Variants in PRRC2A observed in about 807,000 individuals in gnomAD.
The protein encoded by PRRC2A is protein PRRC2A.
In PRRC2A, 59 loss-of-function variants were observed where a neutral mutation model predicts 224.6. That is an observed-to-expected ratio of 0.26 (90% confidence interval 0.21 to 0.33). The LOEUF (loss-of-function observed/expected upper bound fraction) is 0.33. PRRC2A is among the 10% of genes least tolerant of loss of function. The pLI, the probability that PRRC2A is intolerant of heterozygous loss-of-function variation, is 1.00. For synonymous variants in PRRC2A, 1,194 were observed against 1,109.5 expected (o/e 1.08, Z -1.51); for missense variants, 3,095 against 2,880.7 (o/e 1.07, Z -1.70).
At chr6:31,634,392 T>A (rs372189408) in intron 19 of PRRC2A, 27 bp downstream of exon 19, 1 of 1,612,374 alleles carries the variant, frequency 6.2e-7, no homozygotes, top group Non-Finnish European at 8.5e-7. Context: ...GAAAGGACTA[T>A]GGTAGAAGGG....
At chr6:31,635,065 T>G in intron 21 of PRRC2A, 67 bp from the exon 22 acceptor site, 1 of 1,601,628 alleles carries the variant, frequency 6.2e-7, no homozygotes, top group South Asian at 1.1e-5. Flanking sequence ...TGCGTGTGTG[T>G]TCTGGGCATT....
Position 31,625,644 on chromosome 6 carries a change from C to T in PRRC2A, c.759+33C>T, listed in dbSNP as rs779190418. On this transcript the variant is annotated intron_variant, in intron 7 of 30. Transcript: ENST00000376033. This position sits in a 1 kb window ranked among gnomAD's most constrained non-coding sequence, Gnocchi z 4.1. ...TTGGTGTCTTGTCTTGGAACGATTA[C>T]ACTGGAAGCTGGAGAGCTAGGAATC... 30 of 1,603,916 alleles carry T rather than the reference C, an allele frequency of 1.9e-5. No homozygotes were observed. Among genetic ancestry groups the T allele is most frequent in the Admixed American group, 6.8e-5 (4 of 59,128 alleles).
At position 31,636,640 on chromosome 6, in the gene PRRC2A, T is replaced by TA; in HGVS notation, c.5934+32_5934+33insA. ...TGTATCTTCACACTTCCCCTTCATT[T>TA]GATTTCTCTGTCCAGTTGCTGGCTT... On this transcript the variant is annotated intron_variant, in intron 27 of 30. Coordinates refer to ENST00000376033, the MANE Select transcript of PRRC2A (RefSeq NM_004638.4). This position sits in a 1 kb window ranked among gnomAD's most constrained non-coding sequence, Gnocchi z 4.3. The TA allele has an allele frequency of 6.3e-7, 1 of 1,588,754 alleles. No individual in the cohort carries two copies. Among genetic ancestry groups the TA allele is most frequent in the South Asian group, 1.1e-5 (1 of 88,554 alleles).
chr6:31,621,292 TC>T (rs201554983), intron 1 of PRRC2A, among the ~76,000 whole-genome samples: 4 of 151,126 alleles, frequency 2.6e-5, no homozygotes, highest in Non-Finnish European at 4.4e-5. Context: ...AGCGCTGTGT[TC>T]CCCCCTCTGG....
rs1450053281 is a variant in PRRC2A, at chr6:31,625,093, C to T, written c.464-78C>T. 4.1e-5 allele frequency: 63 copies of T among 1,525,060 alleles called. No individual in the cohort carries two copies. Among genetic ancestry groups the T allele is most frequent in the Non-Finnish European group, 5.4e-5 (60 of 1,120,654 alleles). The allele number at this position is 1,525,060 out of a possible 1,614,324, so 94.5% of individuals were successfully genotyped here. On this transcript the variant is annotated intron_variant, in intron 5 of 30. Coordinates refer to ENST00000376033, the MANE Select transcript of PRRC2A (RefSeq NM_004638.4). The surrounding 1 kb of genome is among the most constrained non-coding windows in gnomAD (Gnocchi z 4.1). ...GATTACAGGCGTGAGCCACCGCGCC[C>T]AGCCAGAGTCTTCCACTTTTATAGC... is the stretch of plus-strand genomic sequence containing the variant.
At chr6:31,624,568 A>G (rs576906579) in intron 5 of PRRC2A, 46 bp downstream of exon 5, 2 of 1,555,542 alleles carry the variant, frequency 1.3e-6, no homozygotes, top group South Asian at 1.1e-5. Context: ...GCACCATGGG[A>G]TGCATGAACC....
chr6:31,635,326 C>G, intron 22 of PRRC2A, 54 bp downstream of exon 22: 1 of 1,613,744 alleles, frequency 6.2e-7, no homozygotes. Context: ...AAGGGAAGGA[C>G]TAAAGGTGGG....
chr6:31,628,840 CAAAA>C (rs921221044), intron 12 of PRRC2A: 1 of 357,746 alleles, frequency 2.8e-6, no homozygotes, highest in Non-Finnish European at 5.0e-6. Flanking sequence ...GACTCTGTCT[CAAAA>C]AAAAATCCTG....
At position 31,636,928 on chromosome 6, in the gene PRRC2A, A is replaced by T. The variant is rs747905717; in HGVS notation, c.6130A>T (p.Ser2044Cys). ...TTCACCTGCCAGGCCCTTCCCCGCT[A>T]GCTTGGGGCGAGCAGAGGTAAGGTA... ...LPSPARPFPA[S>C]LGRAELHPVE... is the part of the protein sequence containing the mutation. Residue 2044 changes from serine (S) to cysteine (C), a missense_variant, in exon 28 of 31, where the codon AGC becomes TGC. Coordinates refer to ENST00000376033, the MANE Select transcript of PRRC2A (RefSeq NM_004638.4). The surrounding 1 kb of genome is among the most constrained non-coding windows in gnomAD (Gnocchi z 4.3). 3 of 1,612,856 alleles carry T rather than the reference A, an allele frequency of 1.9e-6. No individual in the cohort carries two copies. The highest frequency in any genetic ancestry group is 1.7e-5 in the Admixed American group (1 of 60,008).
rs766084895 is a variant in PRRC2A, at chr6:31,628,142, A to G, written c.1668A>G (p.Gln556=). The G allele has an allele frequency of 5.0e-6, 8 of 1,613,094 alleles. No homozygotes were observed. In the South Asian group the frequency reaches 5.5e-5, roughly 11 times the overall value. The change falls in exon 12 of 31, where the codon CAA becomes CAG. Residue 556 remains glutamine (Q), a synonymous_variant. Transcript: ENST00000376033. ...PEEPAQAPPA[Q]STPTPGVAAA... ...AGCCAGCACAGGCCCCTCCTGCCCA[A>G]TCTACTCCTACTCCAGGTGTGGCTG... is the stretch of plus-strand genomic sequence containing the variant.
Position 31,627,134 on chromosome 6 carries a change from A to G in PRRC2A, c.1226A>G (p.Lys409Arg). The change falls in exon 11 of 31, where the codon AAG (lysine) becomes AGG (arginine). Residue 409 changes from lysine to arginine, a missense_variant. Coordinates refer to ENST00000376033, the MANE Select transcript of PRRC2A (RefSeq NM_004638.4). The surrounding 1 kb of genome is among the most constrained non-coding windows in gnomAD (Gnocchi z 5.6). ...PETEPGPPAP[K>R]PPLPPPHRGP... ...ACAGAGCCGGGACCTCCTGCCCCAA[A>G]GCCTCCCCTACCCCCACCTCACCGG... The G allele has an allele frequency of 6.2e-7, 1 of 1,613,784 alleles. No homozygotes were observed. The highest frequency in any genetic ancestry group is 8.5e-7 in the Non-Finnish European group (1 of 1,179,930).
chr6:31,621,585 A>G (rs999829625), intron 1 of PRRC2A, among the ~76,000 whole-genome samples: 1 of 151,364 alleles, frequency 6.6e-6, no homozygotes. Flanking sequence ...TGACTCTTGT[A>G]TTCGTTTTCC....
At chr6:31,629,034 T>C in intron 12 of PRRC2A, 110 bp from the exon 13 acceptor site, 1 of 1,109,524 alleles carries the variant, frequency 9.0e-7, no homozygotes, top group Non-Finnish European at 1.3e-6. Flanking sequence ...AGATGTTGAA[T>C]AGAATATTTT....
intron 2 of PRRC2A, 182 bp downstream of exon 2, chr6:31,623,083 C>T: frequency 1.3e-6 from 1 of 763,836 alleles, no homozygotes; most frequent in Non-Finnish European, 2.4e-6. Context: ...CAGTTATCCT[C>T]CTACAAAGGC....
chr6:31,632,360 T>TAGCAATGTGGGC lies in PRRC2A; in HGVS notation c.3689_3700dup (p.Ser1230_Gly1233dup), dbSNP rs757104147. ...TGGCGCGCGGAGGCAGCAATGGAGG[T>TAGCAATGTGGGC]AGCAATGTGGGCATGGAAGATGGGG... On this transcript the variant is annotated inframe_insertion, in exon 16 of 31. Transcript: ENST00000376033. 3 of 1,612,932 alleles carry TAGCAATGTGGGC rather than the reference T, an allele frequency of 1.9e-6. No individual in the cohort carries two copies. Among genetic ancestry groups the TAGCAATGTGGGC allele is most frequent in the Non-Finnish European group, 2.5e-6 (3 of 1,179,826 alleles).
At chr6:31,633,781 T>C in intron 17 of PRRC2A, 78 bp from the exon 18 acceptor site, 1 of 1,532,474 alleles carries the variant, frequency 6.5e-7, no homozygotes, top group South Asian at 1.3e-5. Context: ...GGTAGAAGAA[T>C]TGGGAGGTGG....
chr6:31,630,605 G>A lies in PRRC2A; in HGVS notation c.2269G>A (p.Glu757Lys). 6.2e-7 allele frequency: 1 copy of A among 1,614,172 alleles called. No individual in the cohort carries two copies. Among genetic ancestry groups the A allele is most frequent in the Non-Finnish European group, 8.5e-7 (1 of 1,180,038 alleles). Residue 757 changes from glutamate (E) to lysine (K), a missense_variant, in exon 15 of 31, where the codon GAG becomes AAG. By Grantham distance (56) the Glu-to-Lys change is moderately conservative (BLOSUM62 1). Coordinates refer to ENST00000376033, the MANE Select transcript of PRRC2A (RefSeq NM_004638.4). ...GVHPSGLVPR[E>K]RSDSGGSSSE... ...GGTTTCTTCAGGCCTAGTTCCCCGA[G>A]AGCGTTCAGACAGTGGGGGCTCAAG... is the stretch of plus-strand genomic sequence containing the variant.
At chr6:31,624,033 T>C (rs1775609957) in intron 3 of PRRC2A, 124 bp downstream of exon 3, 3 of 1,233,972 alleles carry the variant, frequency 2.4e-6, no homozygotes, top group Non-Finnish European at 3.4e-6. Flanking sequence ...TCTTACCTAT[T>C]GCAGGTTCCT....
Position 31,624,278 on chromosome 6 carries a change from C to T in PRRC2A, c.308C>T (p.Ala103Val). 1 of 1,613,742 alleles carries T rather than the reference C, an allele frequency of 6.2e-7. No individual in the cohort carries two copies. The highest frequency in any genetic ancestry group is 8.5e-7 in the Non-Finnish European group (1 of 1,179,996). ...CCCCTCAGTTCCGATGCCTCAACCG[C>T]TCAGCCGCCGGAATCGCAGCCACTG... ...SDPKSSDAST[A>V]QPPESQPLPA... Residue 103 changes from alanine (A) to valine (V), a missense_variant, in exon 4 of 31, where the codon GCT (alanine) becomes GTT (valine). By Grantham distance (64) the Ala-to-Val change is moderately conservative (BLOSUM62 0). Coordinates refer to ENST00000376033, the MANE Select transcript of PRRC2A (RefSeq NM_004638.4).
Sources: gnomAD v4.1 joint callset for allele counts (sites outside exome capture counted in the v4.1 genomes callset) on GRCh38, gnomAD v4.1.1 for gene constraint, Gnocchi (gnomAD v3.1) non-coding constraint, MANE v1.5 for transcripts, NCBI Gene and HGNC (gene_info 2026-07-23, HGNC 2026-07-21) for gene names.